PPA2: variants seen among roughly 807,000 people sequenced by gnomAD.
PPA2 encodes the protein inorganic pyrophosphatase 2.
A neutral mutation model predicts 49.5 loss-of-function variants in PPA2; 48 were observed. That is an observed-to-expected ratio of 0.97 (90% CI 0.77 to 1.23). The LOEUF (loss-of-function observed/expected upper bound fraction) is 1.23. PPA2 is among the 50% of genes most tolerant of loss of function. The pLI, the probability that PPA2 is intolerant of heterozygous loss-of-function variation, is 0.00. For synonymous variants in PPA2, 131 were observed against 139.9 expected (o/e 0.94, Z 0.45); for missense variants, 429 against 410.1 (o/e 1.05, Z -0.40).
intron 6 of PPA2, among the ~76,000 whole-genome samples, chr4:105,434,784 A>T (rs1723970487): frequency 1.3e-5 from 2 of 152,214 alleles, no homozygotes; most frequent in Non-Finnish European, 2.9e-5. Context: ...TCAGAATGAG[A>T]CACACTCTTT....
At chr4:105,405,306 TTAA>T (rs1722411959) in intron 7 of PPA2, 1 of 742,860 alleles carries the variant, frequency 1.3e-6, no homozygotes, top group African/African-American at 1.9e-5. Flanking sequence ...TGCATACTTA[TTAA>T]TAACTTTTTG....
intron 9 of PPA2, 78 bp from the exon 10 acceptor site, chr4:105,386,714 C>G: frequency 9.3e-7 from 1 of 1,071,304 alleles, no homozygotes; most frequent in Non-Finnish European, 1.4e-6. Context: ...AAACTAACTC[C>G]AAATACTCCA....
intron 11 of PPA2, 34 bp downstream of exon 11, chr4:105,370,803 C>T (rs182584086): frequency 9.5e-6 from 13 of 1,367,868 alleles, no homozygotes; most frequent in Admixed American, 3.3e-5. Context: ...TAAATTTATA[C>T]ATGTTACTCT....
chr4:105,403,616 G>C (rs1373143346), intron 7 of PPA2, among the ~76,000 whole-genome samples: 2 of 151,972 alleles, frequency 1.3e-5, no homozygotes, highest in Non-Finnish European at 2.9e-5. Context: ...CAAATCTTAA[G>C]GTTCCATTGG....
chr4:105,463,764 T>C (rs1723188445), intron 1 of PPA2, among the ~76,000 whole-genome samples: 1 of 152,122 alleles, frequency 6.6e-6, no homozygotes. Flanking sequence ...CTTCAGCGGG[T>C]GGAAGCCCCA....
At chr4:105,435,687 G>A (rs542129887) in intron 6 of PPA2, among the ~76,000 whole-genome samples, 1 of 152,120 alleles carries the variant, frequency 6.6e-6, no homozygotes, top group African/African-American at 2.4e-5. Context: ...ACCACATAAA[G>A]AAAACTAAGA....
At chr4:105,416,338 C>T (rs1409298461) in intron 7 of PPA2, among the ~76,000 whole-genome samples, 2 of 152,106 alleles carry the variant, frequency 1.3e-5, no homozygotes, top group Admixed American at 1.3e-4. Flanking sequence ...AAGTAATACC[C>T]TATCTCTTTG....
chr4:105,429,396 G>A (rs984164571), intron 6 of PPA2, among the ~76,000 whole-genome samples: 1 of 152,052 alleles, frequency 6.6e-6, no homozygotes, highest in African/African-American at 2.4e-5. Flanking sequence ...TTTTCAGCAC[G>A]AATATAACTT....
At chr4:105,382,151 C>A (rs1239361074) in intron 10 of PPA2, among the ~76,000 whole-genome samples, 1 of 151,620 alleles carries the variant, frequency 6.6e-6, no homozygotes, top group African/African-American at 2.4e-5. Context: ...TTTTTTGAGG[C>A]CTAATTTATT....
intron 4 of PPA2, among the ~76,000 whole-genome samples, chr4:105,448,828 T>C (rs920649553): frequency 1.3e-5 from 2 of 151,910 alleles, no homozygotes; most frequent in African/African-American, 4.8e-5. Context: ...AAAATTAATA[T>C]GTATATAACA....
chr4:105,387,561 A>G (rs2726506), intron 9 of PPA2, among the ~76,000 whole-genome samples: 59,336 of 151,962 alleles, frequency 0.39, 13,078 homozygotes, highest in East Asian at 0.68. Flanking sequence ...AATTGATGAC[A>G]CTGAGTATAC....
chr4:105,445,309 G>A (rs1417049795), intron 5 of PPA2, among the ~76,000 whole-genome samples: 1 of 152,100 alleles, frequency 6.6e-6, no homozygotes, highest in Non-Finnish European at 1.5e-5. Flanking sequence ...ACCTTTTGCT[G>A]TTGGGTCAAA....
chr4:105,447,736 CTTTTTTTT>C (rs5860798), intron 4 of PPA2, among the ~76,000 whole-genome samples: 1 of 137,206 alleles, frequency 7.3e-6, no homozygotes, highest in African/African-American at 2.7e-5. Flanking sequence ...TTTCTTTTTT[CTTTTTTTT>C]TTTTTTTGAG....
chr4:105,405,167 T>C, intron 7 of PPA2: 4 of 637,632 alleles, frequency 6.3e-6, no homozygotes, highest in Non-Finnish European at 7.8e-6. Flanking sequence ...TTCATTAATA[T>C]TGACAGTTAT....
chr4:105,386,037 G>A (rs966257754), intron 10 of PPA2, among the ~76,000 whole-genome samples: 1 of 151,842 alleles, frequency 6.6e-6, no homozygotes, highest in Non-Finnish European at 1.5e-5. Flanking sequence ...GCACCACCAG[G>A]CTCAGCTAAT....
chr4:105,406,431 AATATGAACTTACAG>A (rs1722479558), intron 7 of PPA2, among the ~76,000 whole-genome samples: 2 of 152,320 alleles, frequency 1.3e-5, no homozygotes, highest in South Asian at 2.1e-4. Flanking sequence ...ATGATGAAAA[AATATGAACTTACAG>A]ATCCACAAAG....
In PPA2 at chr4:105,453,599, T is replaced by C. The variant is rs750537405; in HGVS notation, c.266A>G (p.Glu89Gly). The change falls in exon 3 of 12, where the codon GAG (glutamate) becomes GGG (glycine). Residue 89 changes from glutamate (E) to glycine (G), a missense_variant and splice_region_variant. Coordinates refer to ENST00000341695, the MANE Select transcript of PPA2 (RefSeq NM_176869.3). ...AAAAATAAAAACCTTTGGATATACC[T>C]CATATTCATCATTTCGTGCTTTCTT... ...PMKKARNDEY[E>G]NLFNMIVEIP... The C allele has an allele frequency of 6.2e-7, 1 of 1,602,728 alleles. No homozygotes were observed. The highest frequency in any genetic ancestry group is 8.5e-7 in the Non-Finnish European group (1 of 1,173,198).
intron 7 of PPA2, among the ~76,000 whole-genome samples, chr4:105,422,622 C>T (rs1461485084): frequency 9.2e-6 from 1 of 108,650 alleles, no homozygotes; most frequent in African/African-American, 2.7e-5. Flanking sequence ...TTGCTCAATA[C>T]AGTACTGAGC....
intron 10 of PPA2, among the ~76,000 whole-genome samples, chr4:105,386,128 A>G (rs2636725): frequency 0.59 from 88,845 of 151,694 alleles, 26,194 homozygotes; most frequent in East Asian, 0.68. Context: ...TAATTCACTC[A>G]CCTTGGCCTC....
Sources: gnomAD v4.1 joint callset for allele counts (sites outside exome capture counted in the v4.1 genomes callset) on GRCh38, gnomAD v4.1.1 for gene constraint, MANE v1.5 for transcripts, NCBI Gene and HGNC (gene_info 2026-07-23, HGNC 2026-07-21) for gene names.